The following NUP210 variants were observed in gnomAD, a reference collection of about 807,000 sequenced individuals.
NUP210 encodes the protein nuclear pore membrane glycoprotein 210.
In NUP210, 151 loss-of-function variants were observed where a neutral mutation model predicts 196.0. The observed-to-expected ratio is 0.77, with a 90% CI of 0.67 to 0.88. NUP210 has a LOEUF of 0.88. Ranked by LOEUF, NUP210 falls within the 40% of genes least tolerant of loss-of-function variation. The pLI, the probability that NUP210 is intolerant of heterozygous loss-of-function variation, is 0.00. For missense variants in NUP210, 2,314 were observed against 2,493.7 expected, an observed-to-expected ratio of 0.93 and a Z score of 1.53; for synonymous variants, 1,070 against 1,052.7, an observed-to-expected ratio of 1.02 and a Z score of -0.32.
chr3:13,398,620 T>A (rs1274508023), intron 2 of NUP210, among the ~76,000 whole-genome samples: 1 of 152,224 alleles, frequency 6.6e-6, no homozygotes, highest in Non-Finnish European at 1.5e-5. Context: ...GACAACCTCC[T>A]GTTAAGAATA....
intron 32 of NUP210, among the ~76,000 whole-genome samples, chr3:13,326,691 G>A (rs1056982850): frequency 6.6e-5 from 10 of 152,240 alleles, no homozygotes; most frequent in African/African-American, 2.4e-4. Flanking sequence ...CTCCCAGCCT[G>A]TGCTGTCCAC....
intron 26 of NUP210, 182 bp from the exon 27 acceptor site, chr3:13,337,100 G>A (rs897010144): frequency 4.2e-5 from 26 of 623,042 alleles, no homozygotes; most frequent in Non-Finnish European, 7.0e-5. Flanking sequence ...AGGTGGGACT[G>A]TTTTCCCCAT....
At chr3:13,373,955 T>C in intron 11 of NUP210, 82 bp from the exon 12 acceptor site, 10 of 1,438,982 alleles carry the variant, frequency 6.9e-6, no homozygotes, top group African/African-American at 1.4e-5. Flanking sequence ...CACGTGCGTG[T>C]GCATGCACGT....
intron 1 of NUP210, among the ~76,000 whole-genome samples, chr3:13,413,681 C>A (rs942632368): frequency 6.6e-6 from 1 of 152,046 alleles, no homozygotes; most frequent in Non-Finnish European, 1.5e-5. Context: ...TTGGCCAAGG[C>A]CCGAGCAGGA....
In NUP210 at chr3:13,383,586, G is replaced by C. The variant is rs559648822; in HGVS notation, c.817+2689C>G. Among the ~76,000 whole-genome samples, 3 of 140,704 alleles carry C rather than the reference G, an allele frequency of 2.1e-5. No individual in the cohort carries two copies. The South Asian group carries it at 6.8e-4, about 32-fold the overall frequency. The allele number at this position is 140,704 out of a possible 152,430, so 92.3% of individuals were successfully genotyped here. A position where few individuals can be genotyped will look rare whatever the true frequency, so the allele number is the denominator to read the frequency against. On this transcript the variant is annotated intron_variant, in intron 6 of 39. Transcript: ENST00000254508. Reference sequence around the variant, plus strand: ...CGCCCAGGCTGGAGTGCAGTGGTGCGATCTCAGCTACTGCAACATCCTCTG... The same window carrying C: ...CGCCCAGGCTGGAGTGCAGTGGTGCCATCTCAGCTACTGCAACATCCTCTG...
At chr3:13,416,968 G>A (rs957926269) in intron 1 of NUP210, among the ~76,000 whole-genome samples, 9 of 152,194 alleles carry the variant, frequency 5.9e-5, no homozygotes, top group African/African-American at 2.2e-4. Context: ...ATATGAGGTC[G>A]TTTTGTATAT....
At chr3:13,373,657 G>A in intron 12 of NUP210, 61 bp downstream of exon 12, 1 of 1,568,142 alleles carries the variant, frequency 6.4e-7, no homozygotes, top group East Asian at 2.2e-5. Flanking sequence ...CTTGCTCAGA[G>A]GGGGCGGCTG....
Position 13,379,012 on chromosome 3 carries a change from A to G in NUP210, c.977-32T>C, listed in dbSNP as rs1699016598. 1 of 1,584,988 alleles carries G rather than the reference A, an allele frequency of 6.3e-7. No individual in the cohort carries two copies. Among genetic ancestry groups the G allele is most frequent in the African/African-American group, 1.3e-5 (1 of 74,324 alleles). ...TTTGAATTAAGGGGCAAGACATATGACAGCAAATAAACCAGCTGGCTGGCC... is the reference window on the plus strand; with the variant it reads ...TTTGAATTAAGGGGCAAGACATATGGCAGCAAATAAACCAGCTGGCTGGCC... On this transcript the variant is annotated intron_variant, in intron 7 of 39. Coordinates refer to ENST00000254508, the MANE Select transcript of NUP210 (RefSeq NM_024923.4). This position sits in a 1 kb window ranked among gnomAD's most constrained non-coding sequence, Gnocchi z 4.2.
At chr3:13,332,408 T>C in intron 28 of NUP210, 24 bp from the exon 29 acceptor site, 1 of 1,577,130 alleles carries the variant, frequency 6.3e-7, no homozygotes, top group Admixed American at 1.7e-5. Context: ...CAAGTTTCAC[T>C]TCCGATGGGG....
In NUP210 at chr3:13,406,166, C is replaced by G. The variant is rs140469293; in HGVS notation, c.168-6305G>C. On this transcript the variant is annotated intron_variant, in intron 1 of 39. Coordinates refer to ENST00000254508, the MANE Select transcript of NUP210 (RefSeq NM_024923.4). The stretch of plus-strand genomic sequence containing the variant: ...CCCCACTACCCACTACTGAGGCACA[C>G]CTCGGGGAAGTGTGGGTCCAGGGAA... 8.4e-3 allele frequency among the ~76,000 whole-genome samples: 1,286 copies of G among 152,284 alleles called. 19 individuals carry two copies. Among genetic ancestry groups the G allele is most frequent in the African/African-American group, 0.029 (1,219 of 41,556 alleles).
chr3:13,401,705 C>T (rs1449748301), intron 1 of NUP210, among the ~76,000 whole-genome samples: 6 of 152,186 alleles, frequency 3.9e-5, no homozygotes, highest in South Asian at 2.1e-4. Flanking sequence ...CGGTGTTTTT[C>T]GAGGGGCTTT....
intron 1 of NUP210, among the ~76,000 whole-genome samples, chr3:13,418,680 C>T (rs1463470474): frequency 6.6e-6 from 1 of 151,602 alleles, no homozygotes; most frequent in Non-Finnish European, 1.5e-5. Flanking sequence ...CCCAGCTACT[C>T]GGGAGGCTGA....
Position 13,337,801 on chromosome 3 carries a change from G to A in NUP210, c.3552+36C>T, listed in dbSNP as rs377386771. On this transcript the variant is annotated intron_variant, in intron 26 of 39. Coordinates refer to ENST00000254508, the MANE Select transcript of NUP210 (RefSeq NM_024923.4). ...GACAGGGTCCCAGCAGTGGCTCTTCGGGAACCAGGATTCAGAGCCCAGGAG... is the reference window on the plus strand; with the variant it reads ...GACAGGGTCCCAGCAGTGGCTCTTCAGGAACCAGGATTCAGAGCCCAGGAG... 1,033 of 1,577,342 alleles carry A rather than the reference G, an allele frequency of 6.5e-4. 13 individuals are homozygous for A. Among genetic ancestry groups the A allele is most frequent in the Non-Finnish European group, 1.4e-4 (167 of 1,160,252 alleles).
At chr3:13,396,069 C>T (rs1262916308) in intron 3 of NUP210, among the ~76,000 whole-genome samples, 3 of 152,144 alleles carry the variant, frequency 2.0e-5, no homozygotes, top group African/African-American at 7.2e-5. Flanking sequence ...AATGGGTAAG[C>T]GGGGAAGAAA....
chr3:13,322,653 C>G (rs1029991002), intron 34 of NUP210, among the ~76,000 whole-genome samples: 2 of 152,252 alleles, frequency 1.3e-5, no homozygotes, highest in African/African-American at 4.8e-5. Context: ...TCCCTGTCAG[C>G]AGGGGAAACG....
Position 13,388,363 on chromosome 3 carries a change from C to G in NUP210, c.624G>C (p.Val208=). The G allele has an allele frequency of 6.2e-7, 1 of 1,613,192 alleles. No homozygotes were observed. The highest frequency in any genetic ancestry group is 8.5e-7 in the Non-Finnish European group (1 of 1,179,604). ...TGGAGCTCCCGGTCTTCATCCCAGACACCAGGATGGTGTCCCCTTGCTTGG... is the reference window on the plus strand; with the variant it reads ...TGGAGCTCCCGGTCTTCATCCCAGAGACCAGGATGGTGTCCCCTTGCTTGG... ...KAAKQGDTIL[V]SGMKTGSSKL... is the part of the protein sequence containing the mutation. The change falls in exon 5 of 40, where the codon GTG becomes GTC. Residue 208 remains valine (V), a synonymous_variant. Coordinates refer to ENST00000254508, the MANE Select transcript of NUP210 (RefSeq NM_024923.4).
chr3:13,385,095 G>A (rs536340012), intron 6 of NUP210, among the ~76,000 whole-genome samples: 16 of 152,198 alleles, frequency 1.1e-4, no homozygotes, highest in African/African-American at 3.9e-4. Flanking sequence ...AGGCAGGAGC[G>A]CCTGTCTTCA....
chr3:13,352,055 G>T, intron 19 of NUP210, 25 bp downstream of exon 19: 1 of 1,603,880 alleles, frequency 6.2e-7, no homozygotes, highest in South Asian at 1.1e-5. Flanking sequence ...TCTTGCCCAG[G>T]AAGGTGGCAG....
At chr3:13,385,050 A>G (rs1001837193) in intron 6 of NUP210, among the ~76,000 whole-genome samples, 2 of 152,164 alleles carry the variant, frequency 1.3e-5, no homozygotes, top group African/African-American at 2.4e-5. Context: ...CTTCTCTTCA[A>G]CTAGGACCCC....
Sources: allele counts gnomAD v4.1 joint callset (sites outside exome capture counted in the v4.1 genomes callset), GRCh38; gene constraint gnomAD v4.1.1; non-coding constraint Gnocchi (gnomAD v3.1); transcripts MANE v1.5; gene names NCBI Gene and HGNC (gene_info 2026-07-23, HGNC 2026-07-21).